Variants in SCAPER observed in about 807,000 individuals in gnomAD.
SCAPER encodes the protein S phase cyclin A-associated protein in the endoplasmic reticulum.
SCAPER carries 98 observed loss-of-function variants against 182.2 expected under a neutral mutation model. The ratio of observed to expected loss-of-function variants is 0.54; its 90% CI spans 0.46 to 0.64. The LOEUF is 0.64. Among genes scored for constraint, SCAPER ranks in the 30% least tolerant of loss-of-function variants. The pLI is 0.00. For synonymous variants in SCAPER, 605 were observed against 564.6 expected (o/e 1.07, Z -1.01); for missense variants, 1,432 against 1,690.0 (o/e 0.85, Z 2.68).
At chr15:76,550,184 T>G (rs373543835) in intron 23 of SCAPER, among the ~76,000 whole-genome samples, 46 of 152,312 alleles carry the variant, frequency 3.0e-4, no homozygotes, top group African/African-American at 1.1e-3. Context: ...AGACATTTCT[T>G]CTTTTTTAAA....
chr15:76,859,284 C>A (rs769646280), intron 3 of SCAPER, among the ~76,000 whole-genome samples: 13 of 152,242 alleles, frequency 8.5e-5, no homozygotes, highest in Non-Finnish European at 1.6e-4. Flanking sequence ...GGGACACCCT[C>A]ACTGTTCCAC....
At chr15:76,463,904 C>G (rs1393843773) in intron 25 of SCAPER, among the ~76,000 whole-genome samples, 1 of 151,828 alleles carries the variant, frequency 6.6e-6, no homozygotes, top group Non-Finnish European at 1.5e-5. Context: ...GATCCTTTTC[C>G]ACATCTCAAT....
At chr15:76,625,614 ACT>A (rs1407073631) in intron 21 of SCAPER, among the ~76,000 whole-genome samples, 1 of 152,012 alleles carries the variant, frequency 6.6e-6, no homozygotes, top group African/African-American at 2.4e-5. Flanking sequence ...TAGGAGGCAG[ACT>A]CTGATTGTGG....
intron 17 of SCAPER, among the ~76,000 whole-genome samples, chr15:76,718,436 C>G (rs907684431): frequency 6.6e-6 from 1 of 151,976 alleles, no homozygotes; most frequent in Non-Finnish European, 1.5e-5. Context: ...TGCCTGTAAT[C>G]CCAGCACTTT....
At chr15:76,654,280 C>A (rs532374366) in intron 21 of SCAPER, among the ~76,000 whole-genome samples, 2 of 151,980 alleles carry the variant, frequency 1.3e-5, no homozygotes, top group African/African-American at 4.8e-5. Flanking sequence ...TGGTGGTGGG[C>A]GCCTGTAGTC....
intron 6 of SCAPER, among the ~76,000 whole-genome samples, chr15:76,803,716 T>A (rs1020705805): frequency 2.0e-5 from 3 of 152,212 alleles, no homozygotes; most frequent in Non-Finnish European, 4.4e-5. Flanking sequence ...CTTTTATATG[T>A]CACTAATCCC....
At chr15:76,606,973 T>A (rs569281724) in intron 22 of SCAPER, among the ~76,000 whole-genome samples, 72 of 152,366 alleles carry the variant, frequency 4.7e-4, no homozygotes, top group African/African-American at 1.7e-3. Context: ...TTTATCCAAT[T>A]TGCCAGTCTG....
At chr15:76,784,801 C>T (rs1413457840) in intron 8 of SCAPER, among the ~76,000 whole-genome samples, 1 of 152,152 alleles carries the variant, frequency 6.6e-6, no homozygotes, top group African/African-American at 2.4e-5. Flanking sequence ...ATTTCATAAA[C>T]GGTGCTGGGA....
intron 5 of SCAPER, among the ~76,000 whole-genome samples, chr15:76,835,953 A>T (rs2068912854): frequency 1.3e-5 from 2 of 151,628 alleles, no homozygotes; most frequent in South Asian, 4.2e-4. Flanking sequence ...AAAAAAAAAA[A>T]ATCCAGAAAT....
chr15:76,768,089 AT>A (rs760231958), intron 10 of SCAPER, among the ~76,000 whole-genome samples: 4 of 152,286 alleles, frequency 2.6e-5, no homozygotes, highest in Non-Finnish European at 5.9e-5. Flanking sequence ...ATGCAAAAAA[AT>A]ATAAACCTAA....
intron 25 of SCAPER, among the ~76,000 whole-genome samples, chr15:76,470,044 T>C (rs2050015704): frequency 6.6e-6 from 1 of 152,152 alleles, no homozygotes; most frequent in African/African-American, 2.4e-5. Context: ...GTATTTTTGT[T>C]TGCTTTCCCT....
At chr15:76,893,361 A>G (rs1314793505) in intron 1 of SCAPER, among the ~76,000 whole-genome samples, 2 of 152,336 alleles carry the variant, frequency 1.3e-5, no homozygotes, top group Non-Finnish European at 2.9e-5. Flanking sequence ...ATAAAGGGGT[A>G]ATTCATCAAA....
At chr15:76,551,617 A>T (rs1262037857) in intron 23 of SCAPER, among the ~76,000 whole-genome samples, 1 of 152,188 alleles carries the variant, frequency 6.6e-6, no homozygotes, top group African/African-American at 2.4e-5. Flanking sequence ...AGATACGAGG[A>T]ATAAGTTCTG....
At chr15:76,350,336 C>A (rs2040452237) in intron 31 of SCAPER, 1 of 150,128 alleles carries the variant, frequency 6.7e-6, no homozygotes, top group African/African-American at 2.5e-5. Context: ...CTTCTGTGCA[C>A]TTTTCAACAC....
intron 27 of SCAPER, chr15:76,385,206 T>C (rs1242880890): frequency 6.6e-6 from 1 of 152,216 alleles, no homozygotes; most frequent in East Asian, 1.9e-4. Context: ...AAAAACAGCA[T>C]GATTTGTGTG....
At chr15:76,506,952 T>C (rs780128815) in intron 23 of SCAPER, among the ~76,000 whole-genome samples, 12 of 152,140 alleles carry the variant, frequency 7.9e-5, no homozygotes, top group Non-Finnish European at 1.2e-4. Flanking sequence ...TTCTTTGGCA[T>C]GGGGAAGAGA....
At chr15:76,829,399 T>G (rs878897871) in intron 5 of SCAPER, among the ~76,000 whole-genome samples, 2 of 152,168 alleles carry the variant, frequency 1.3e-5, no homozygotes, top group Admixed American at 1.3e-4. Context: ...ATCTAAATAT[T>G]AATTTCAAAA....
At chr15:76,844,530 G>A (rs2069842249) in intron 4 of SCAPER, among the ~76,000 whole-genome samples, 1 of 152,110 alleles carries the variant, frequency 6.6e-6, no homozygotes, top group South Asian at 2.1e-4. Flanking sequence ...TGAAAAAGGA[G>A]ACATTACAAC....
intron 21 of SCAPER, among the ~76,000 whole-genome samples, chr15:76,652,309 T>TACACAC (rs1327915758): frequency 4.2e-4 from 6 of 14,142 alleles, no homozygotes; most frequent in South Asian, 5.7e-3. Context: ...TATATATATA[T>TACACAC]ACACACACAC....
Sources: allele counts gnomAD v4.1 joint callset (sites outside exome capture counted in the v4.1 genomes callset), GRCh38; gene constraint gnomAD v4.1.1; transcripts MANE v1.5; gene names NCBI Gene and HGNC (gene_info 2026-07-23, HGNC 2026-07-21).